Variants in HDAC4 observed in about 807,000 individuals in gnomAD.
HDAC4 encodes the protein histone deacetylase A.
Under a neutral mutation model 135.1 loss-of-function variants are expected in HDAC4, and 16 were observed. The ratio of observed to expected loss-of-function variants is 0.12; its 90% confidence interval spans 0.08 to 0.18. The LOEUF is 0.18. Ranked by LOEUF, HDAC4 falls within the 10% of genes least tolerant of loss-of-function variation. The pLI, the probability that HDAC4 is intolerant of heterozygous loss-of-function variation, is 1.00. For missense variants in HDAC4, 1,143 were observed against 1,511.8 expected (o/e 0.76, Z 4.05); for synonymous variants, 685 against 653.4 (o/e 1.05, Z -0.74).
At chr2:239,258,209 G>C (rs2049153638) in intron 2 of HDAC4, among the ~76,000 whole-genome samples, 1 of 152,196 alleles carries the variant, frequency 6.6e-6, no homozygotes, top group African/African-American at 2.4e-5. Flanking sequence ...AGGTGGGCCA[G>C]AAGGACATTT....
In HDAC4 at chr2:239,051,702, C is replaced by T. The variant is rs1051910331; in HGVS notation, c.*1395G>A. The T allele has an allele frequency of 6.6e-6, 1 of 152,454 alleles. No homozygotes were observed. Among genetic ancestry groups the T allele is most frequent in the African/African-American group, 2.4e-5 (1 of 41,412 alleles). 9.4% of individuals were successfully genotyped at this position (152,454 alleles called of 1,614,324 possible). A position where few individuals can be genotyped will look rare whatever the true frequency, so the allele number is the denominator to read the frequency against. ...AACTTGTAGGGTAGTTGCCCAGTGG[C>T]GAATGTGTTGGCGATCTGAAATCTA... On this transcript the variant is annotated 3_prime_UTR_variant, in exon 27 of 27. Coordinates refer to ENST00000543185, the MANE Select transcript of HDAC4 (RefSeq NM_001378414.1).
intron 2 of HDAC4, among the ~76,000 whole-genome samples, chr2:239,282,625 GACAATGTACACACCACTCTACAA>G (rs1326525555): frequency 1.3e-5 from 1 of 75,442 alleles, no homozygotes; most frequent in East Asian, 4.4e-4. Flanking sequence ...CACACCACTC[GACAATGTACACACCACTCTACAA>G]ACAATGTACA....
chr2:239,306,853 C>A lies in HDAC4; in HGVS notation c.22+45825G>T, dbSNP rs936131590. Among the ~76,000 whole-genome samples the A allele has an allele frequency of 2.6e-5, 4 of 152,004 alleles. No homozygotes were observed. The highest frequency in any genetic ancestry group is 4.4e-5 in the Non-Finnish European group (3 of 67,974). ...GAGGAGCCAGACAGGATCGAGAGAA[C>A]CTTCTGGAAGGAGCTGCAGGGATGC... On this transcript the variant is annotated intron_variant, in intron 2 of 26. Transcript: ENST00000543185. This position sits in a 1 kb window ranked among gnomAD's most constrained non-coding sequence, Gnocchi z 4.5.
chr2:239,134,688 A>G (rs2040830202), intron 9 of HDAC4, 45 bp from the exon 10 acceptor site: 3 of 1,411,730 alleles, frequency 2.1e-6, no homozygotes, highest in African/African-American at 2.8e-5. Flanking sequence ...GTCACGGCCA[A>G]ACATCAGCAA....
At chr2:239,244,417 C>T (rs145765710) in intron 2 of HDAC4, among the ~76,000 whole-genome samples, 125 of 152,010 alleles carry the variant, frequency 8.2e-4, no homozygotes, top group African/African-American at 2.8e-3. Context: ...GGGCGTGGTG[C>T]GGTGCACACT....
chr2:239,185,639 G>A (rs1210057370), intron 4 of HDAC4, among the ~76,000 whole-genome samples: 2 of 152,250 alleles, frequency 1.3e-5, no homozygotes, highest in South Asian at 4.1e-4. Context: ...CCTGGAGCAT[G>A]CTCTAGCCAT....
At chr2:239,119,720 C>G (rs768013190) in intron 12 of HDAC4, among the ~76,000 whole-genome samples, 4 of 152,162 alleles carry the variant, frequency 2.6e-5, no homozygotes, top group Non-Finnish European at 5.9e-5. Context: ...CAGAGGGCTC[C>G]TCACAATGTG....
intron 2 of HDAC4, among the ~76,000 whole-genome samples, chr2:239,334,626 C>T (rs1191438709): frequency 1.3e-5 from 2 of 152,022 alleles, no homozygotes; most frequent in Non-Finnish European, 2.9e-5. Flanking sequence ...GTAGCATATT[C>T]GTAGATTAGA....
chr2:239,067,466 C>T (rs776548676), intron 23 of HDAC4, among the ~76,000 whole-genome samples: 7 of 152,200 alleles, frequency 4.6e-5, no homozygotes, highest in African/African-American at 9.6e-5. Flanking sequence ...CATGGGCTGG[C>T]GAGGCCGTAA....
intron 1 of HDAC4, among the ~76,000 whole-genome samples, chr2:239,387,642 C>A (rs1329321831): frequency 6.6e-6 from 1 of 152,212 alleles, no homozygotes; most frequent in Non-Finnish European, 1.5e-5. Context: ...AACAATTCAG[C>A]CAGGGCAGGG....
intron 12 of HDAC4, among the ~76,000 whole-genome samples, chr2:239,121,812 TG>T (rs2039719574): frequency 6.6e-6 from 1 of 152,200 alleles, no homozygotes; most frequent in South Asian, 2.1e-4. Flanking sequence ...GTCACCTCCC[TG>T]GGCCATGGCT....
At chr2:239,350,420 A>G in intron 2 of HDAC4, among the ~76,000 whole-genome samples, 1 of 152,196 alleles carries the variant, frequency 6.6e-6, no homozygotes, top group East Asian at 1.9e-4. Context: ...TGATTTAAAT[A>G]ACTCAACTGA....
In HDAC4 at chr2:239,189,869, G is replaced by A. The variant is rs1357704886; in HGVS notation, c.303C>T (p.Ser101=). 2 of 1,609,756 alleles carry A rather than the reference G, an allele frequency of 1.2e-6. No homozygotes were observed. Among genetic ancestry groups the A allele is most frequent in the Non-Finnish European group, 1.7e-6 (2 of 1,179,838 alleles). Residue 101 remains serine (S), a synonymous_variant, in exon 4 of 27, where the codon TCC becomes TCT. Transcript: ENST00000543185. ...AEFQRQHEQL[S]RQHEAQLHEH... ...CGTGGAGCTGCGCCTCGTGCTGCCG[G>A]GAGAGCTGCTCGTGCTGCCTCTGGA...
At chr2:239,196,975 C>G (rs899937) in intron 3 of HDAC4, among the ~76,000 whole-genome samples, 53,366 of 152,010 alleles carry the variant, frequency 0.35, 10,768 homozygotes, top group African/African-American at 0.57. Flanking sequence ...CAGGCGCTCC[C>G]TCTGTCTGCA....
chr2:239,325,555 A>T lies in HDAC4; in HGVS notation c.22+27123T>A, dbSNP rs1418479743. ...ACTCACTAGGATGACTATTATTTCAAAATTGGAAAATAAAAAATATTGGTG... is the reference window on the plus strand; with the variant it reads ...ACTCACTAGGATGACTATTATTTCATAATTGGAAAATAAAAAATATTGGTG... On this transcript the variant is annotated intron_variant, in intron 2 of 26. Transcript: ENST00000543185. Among the ~76,000 whole-genome samples, 4 of 152,366 alleles carry T rather than the reference A, an allele frequency of 2.6e-5. No homozygotes were observed. In the Middle Eastern group the frequency reaches 0.01, roughly 389 times the overall value.
intron 3 of HDAC4, among the ~76,000 whole-genome samples, chr2:239,204,686 A>G (rs2045943303): frequency 6.6e-6 from 1 of 152,162 alleles, no homozygotes; most frequent in Non-Finnish European, 1.5e-5. Flanking sequence ...CCTGGCACAG[A>G]GAGTCTGCCG....
At position 239,349,748 on chromosome 2, in the gene HDAC4, G is replaced by A. The variant is rs1480590958; in HGVS notation, c.22+2930C>T. On this transcript the variant is annotated intron_variant, in intron 2 of 26. Transcript: ENST00000543185. This position sits in a 1 kb window ranked among gnomAD's most constrained non-coding sequence, Gnocchi z 5.7. ...CCGGGCGGAAGGGCAGACACGGCAG[G>A]GAAAGATGACAGCGGACAGGGCAGA... Among the ~76,000 whole-genome samples, 1 of 152,262 alleles carries A rather than the reference G, an allele frequency of 6.6e-6. No individual in the cohort carries two copies. Among genetic ancestry groups the A allele is most frequent in the East Asian group, 1.9e-4 (1 of 5,200 alleles).
Position 239,352,462 on chromosome 2 carries a change from T to G in HDAC4, c.22+216A>C, listed in dbSNP as rs75296638. ...CAGCCTGCAAACCGGGGTCGCAGACTTGACTCCACATCCTCCCAGGTTTTA... is the reference window on the plus strand; with the variant it reads ...CAGCCTGCAAACCGGGGTCGCAGACGTGACTCCACATCCTCCCAGGTTTTA... On this transcript the variant is annotated intron_variant, in intron 2 of 26. Transcript: ENST00000543185. This position sits in a 1 kb window ranked among gnomAD's most constrained non-coding sequence, Gnocchi z 4.4. Among the ~76,000 whole-genome samples, 62 of 152,304 alleles carry G rather than the reference T, an allele frequency of 4.1e-4. 1 individual carries two copies. In the East Asian group the frequency reaches 7.7e-3, roughly 19 times the overall value.
At chr2:239,316,017 A>G (rs1001335416) in intron 2 of HDAC4, among the ~76,000 whole-genome samples, 1 of 152,176 alleles carries the variant, frequency 6.6e-6, no homozygotes, top group Non-Finnish European at 1.5e-5. Context: ...CTCTTCCATC[A>G]GTAGAACTCT....
Sources: gnomAD v4.1 joint callset for allele counts (sites outside exome capture counted in the v4.1 genomes callset) on GRCh38, gnomAD v4.1.1 for gene constraint, Gnocchi (gnomAD v3.1) non-coding constraint, MANE v1.5 for transcripts, NCBI Gene and HGNC (gene_info 2026-07-23, HGNC 2026-07-21) for gene names.